GLIS3: variants seen among roughly 807,000 people sequenced by gnomAD.
GLIS3 encodes the protein GLIS family zinc finger 3, also known as zinc finger protein GLIS3.
Under a neutral mutation model 78.6 loss-of-function variants are expected in GLIS3, and 53 were observed. That is an observed-to-expected ratio of 0.67 (90% confidence interval 0.54 to 0.85). The LOEUF is 0.85. Among genes scored for constraint, GLIS3 ranks in the 40% least tolerant of loss-of-function variants. The pLI, the probability that GLIS3 is intolerant of heterozygous loss-of-function variation, is 0.00. For missense variants in GLIS3, 1,703 were observed against 1,231.1 expected (o/e 1.38, Z -5.74); for synonymous variants, 684 against 509.9 (o/e 1.34, Z -4.60).
intron 1 of GLIS3, among the ~76,000 whole-genome samples, chr9:4,289,322 G>A (rs933718260): frequency 1.4e-4 from 22 of 152,090 alleles, no homozygotes; most frequent in African/African-American, 5.3e-4. Flanking sequence ...GAATAAATAT[G>A]TAGATTTTAT....
chr9:4,215,659 T>C lies in GLIS3; in HGVS notation c.388+70379A>G, dbSNP rs373766138. On this transcript the variant is annotated intron_variant, in intron 2 of 10. Coordinates refer to ENST00000381971, the MANE Select transcript of GLIS3 (RefSeq NM_001042413.2). ...TGATTCAATTCCCATGCAATGAATG[T>C]TCCCATCATCAGCTTCCATTTCCAA... 4.6e-5 allele frequency among the ~76,000 whole-genome samples: 7 copies of C among 152,318 alleles called. No individual in the cohort carries two copies. The East Asian group carries it at 5.8e-4, about 13-fold the overall frequency.
At chr9:3,859,400 C>T (rs6476715) in intron 8 of GLIS3, among the ~76,000 whole-genome samples, 110,395 of 149,398 alleles carry the variant, frequency 0.74, 40,450 homozygotes, top group East Asian at 0.83. Flanking sequence ...CACACACACA[C>T]ATCAAAATGA....
the GLIS3 span, among the ~76,000 whole-genome samples, chr9:4,413,219 T>C: frequency 1.3e-5 from 2 of 152,242 alleles, no homozygotes; most frequent in Non-Finnish European, 2.9e-5. Context: ...ATACATTTAA[T>C]ACCACAATCC....
chr9:4,462,669 TG>T, the GLIS3 span, among the ~76,000 whole-genome samples: 1 of 150,218 alleles, frequency 6.7e-6, no homozygotes, highest in Non-Finnish European at 1.5e-5. Context: ...ACACATTAGC[TG>T]GGTGTGTTGT....
In GLIS3 at chr9:3,937,031, G is replaced by C; in HGVS notation, c.1869C>G (p.Asp623Glu). ...GGAAAGCTCCTGCCATTCTTACGGTGTCCAGATGCGTCCGCTGGTGTTTGG... is the reference window on the plus strand; with the variant it reads ...GGAAAGCTCCTGCCATTCTTACGGTCTCCAGATGCGTCCGCTGGTGTTTGG... ...DRAKHQRTHL[D>E]TKPYACQIPG... The change falls in exon 5 of 11, where the codon GAC becomes GAG. Residue 623 changes from aspartate to glutamate, a missense_variant. Physicochemically the swap from Asp to Glu is conservative, Grantham distance 45. Transcript: ENST00000381971. 6.2e-7 allele frequency: 1 copy of C among 1,612,648 alleles called. No individual in the cohort carries two copies. The highest frequency in any genetic ancestry group is 8.5e-7 in the Non-Finnish European group (1 of 1,179,948).
At chr9:4,202,697 C>T (rs1228743472) in intron 2 of GLIS3, among the ~76,000 whole-genome samples, 1 of 151,990 alleles carries the variant, frequency 6.6e-6, no homozygotes, top group Non-Finnish European at 1.5e-5. Flanking sequence ...TTGACAAAGT[C>T]AACAAAAGTA....
chr9:4,357,561 C>CTGTGTGTGTGTG, the GLIS3 span, among the ~76,000 whole-genome samples: 358 of 147,754 alleles, frequency 2.4e-3, no homozygotes, highest in South Asian at 5.1e-3. Flanking sequence ...GAACTAATTC[C>CTGTGTGTGTGTG]TGTGTGTGTG....
Position 4,118,899 on chromosome 9 carries a change from A to G in GLIS3, c.597-18T>C. 6.3e-7 allele frequency: 1 copy of G among 1,598,532 alleles called. No individual in the cohort carries two copies. The highest frequency in any genetic ancestry group is 8.5e-7 in the Non-Finnish European group (1 of 1,179,152). ...TAAGGGACCTGGAACAGCAGCCAGA[A>G]AGGAAGAAAAAAAAAAGATAAACAT... On this transcript the variant is annotated intron_variant, in intron 3 of 10. Coordinates refer to ENST00000381971, the MANE Select transcript of GLIS3 (RefSeq NM_001042413.2). The surrounding 1 kb of genome is among the most constrained non-coding windows in gnomAD (Gnocchi z 4.7).
At chr9:4,243,951 C>T (rs1399415141) in intron 2 of GLIS3, among the ~76,000 whole-genome samples, 1 of 152,194 alleles carries the variant, frequency 6.6e-6, no homozygotes, top group Non-Finnish European at 1.5e-5. Context: ...TTTTGTATTA[C>T]AACAAAATGA....
At chr9:4,437,446 ATCTATCTATCTATCTATCTATC>A in the GLIS3 span, among the ~76,000 whole-genome samples, 3 of 151,832 alleles carry the variant, frequency 2.0e-5, no homozygotes, top group Non-Finnish European at 4.4e-5. Flanking sequence ...CTATCTATCT[ATCTATCTATCTATCTATCTATC>A]TATATATCAT....
At chr9:3,919,365 C>A (rs1824720621) in intron 6 of GLIS3, among the ~76,000 whole-genome samples, 1 of 152,102 alleles carries the variant, frequency 6.6e-6, no homozygotes, top group Non-Finnish European at 1.5e-5. Context: ...CGTCTCTGAA[C>A]CTGAGGTCTT....
chr9:4,379,687 G>A, the GLIS3 span, among the ~76,000 whole-genome samples: 109 of 152,238 alleles, frequency 7.2e-4, no homozygotes, highest in African/African-American at 2.4e-3. Flanking sequence ...ACACCATCCC[G>A]CTCCATTTGC....
intron 1 of GLIS3, among the ~76,000 whole-genome samples, chr9:4,295,408 A>G (rs751350318): frequency 2.0e-5 from 3 of 152,204 alleles, no homozygotes; most frequent in Admixed American, 6.5e-5. Context: ...ATATTAAGTA[A>G]TGCCTCACTA....
chr9:3,985,325 C>CTTAGTAGAAACAGGG (rs1819650611), intron 4 of GLIS3, among the ~76,000 whole-genome samples: 1 of 152,012 alleles, frequency 6.6e-6, no homozygotes. Context: ...TTTTGTACTT[C>CTTAGTAGAAACAGGG]TTAGTAGAAA....
intron 4 of GLIS3, among the ~76,000 whole-genome samples, chr9:4,014,933 C>T (rs764969439): frequency 4.6e-5 from 7 of 152,288 alleles, no homozygotes; most frequent in South Asian, 2.1e-4. Context: ...GAGGTCACTG[C>T]GCCAGACTCT....
chr9:4,132,813 G>T (rs1363276471), intron 2 of GLIS3, among the ~76,000 whole-genome samples: 1 of 152,124 alleles, frequency 6.6e-6, no homozygotes, highest in East Asian at 1.9e-4. Context: ...CACACACAAG[G>T]TGTTACAGAA....
the GLIS3 span, among the ~76,000 whole-genome samples, chr9:4,470,036 C>A: frequency 1.3e-5 from 2 of 152,154 alleles, no homozygotes; most frequent in East Asian, 1.9e-4. Context: ...CACATACACC[C>A]TGCCAAGACT....
intron 2 of GLIS3, among the ~76,000 whole-genome samples, chr9:4,346,292 C>G (rs373019833): frequency 9.2e-5 from 14 of 152,116 alleles, no homozygotes; most frequent in Non-Finnish European, 1.8e-4. Flanking sequence ...CTTGATGCAG[C>G]CTAGCTTTCA....
chr9:4,288,931 G>A (rs1469157871), intron 1 of GLIS3, among the ~76,000 whole-genome samples: 1 of 151,900 alleles, frequency 6.6e-6, no homozygotes, highest in African/African-American at 2.4e-5. Flanking sequence ...CATTAATTAC[G>A]CCAACAGATT....
Sources: gnomAD v4.1 joint callset for allele counts (sites outside exome capture counted in the v4.1 genomes callset) on GRCh38, gnomAD v4.1.1 for gene constraint, Gnocchi (gnomAD v3.1) non-coding constraint, MANE v1.5 for transcripts, NCBI Gene and HGNC (gene_info 2026-07-23, HGNC 2026-07-21) for gene names.